HTR1E: variants seen among roughly 807,000 people sequenced by gnomAD.
HTR1E encodes the protein 5-HT-1E.
HTR1E carries 3 observed loss-of-function variants against 3.4 expected under a neutral mutation model. The ratio of observed to expected loss-of-function variants is 0.89; its 90% CI spans 0.41 to 2.31. HTR1E has a LOEUF of 2.31. HTR1E is among the 30% of genes most tolerant of loss of function. HTR1E has a pLI of 0.05. For synonymous variants in HTR1E, 170 were observed against 182.8 expected, an observed-to-expected ratio of 0.93 and a Z score of 0.56; for missense variants, 392 against 467.0, an observed-to-expected ratio of 0.84 and a Z score of 1.48.
chr6:86,941,219 G>A (rs558911646), intron 1 of HTR1E, among the ~76,000 whole-genome samples: 7 of 152,226 alleles, frequency 4.6e-5, no homozygotes, highest in Middle Eastern at 6.8e-3. Flanking sequence ...CTTTTTATTC[G>A]TTCCCACATT....
intron 1 of HTR1E, among the ~76,000 whole-genome samples, chr6:86,971,375 TA>T (rs1213919356): frequency 1.3e-5 from 2 of 152,206 alleles, no homozygotes; most frequent in African/African-American, 4.8e-5. Context: ...TTATGGATTA[TA>T]AAAACCATGA....
intron 1 of HTR1E, among the ~76,000 whole-genome samples, chr6:86,941,461 A>G (rs1048397581): frequency 6.6e-6 from 1 of 152,200 alleles, no homozygotes; most frequent in Non-Finnish European, 1.5e-5. Flanking sequence ...CCATTGTTGT[A>G]TTCCCCTAAA....
intron 1 of HTR1E, among the ~76,000 whole-genome samples, chr6:87,001,913 G>A (rs1768029676): frequency 6.6e-6 from 1 of 152,080 alleles, no homozygotes; most frequent in Non-Finnish European, 1.5e-5. Context: ...TGACAATAAA[G>A]GGATGGAAAA....
chr6:86,954,390 C>G (rs1255906603), intron 1 of HTR1E, among the ~76,000 whole-genome samples: 1 of 152,126 alleles, frequency 6.6e-6, no homozygotes, highest in African/African-American at 2.4e-5. Flanking sequence ...CCCCACAAAT[C>G]CCCAGTGTGC....
intron 1 of HTR1E, among the ~76,000 whole-genome samples, chr6:86,958,828 C>T (rs994985851): frequency 6.6e-6 from 1 of 152,088 alleles, no homozygotes; most frequent in South Asian, 2.1e-4. Flanking sequence ...ATCCTAGCAG[C>T]CCCAGACTCT....
intron 1 of HTR1E, among the ~76,000 whole-genome samples, chr6:86,971,733 G>A (rs1767560321): frequency 6.6e-6 from 1 of 152,104 alleles, no homozygotes; most frequent in African/African-American, 2.4e-5. Flanking sequence ...ATTCAGAGGG[G>A]ATGTGCAGGT....
At chr6:86,973,995 C>T (rs1047978935) in intron 1 of HTR1E, among the ~76,000 whole-genome samples, 2 of 152,232 alleles carry the variant, frequency 1.3e-5, no homozygotes, top group African/African-American at 4.8e-5. Context: ...TCCTTCACCT[C>T]TGGTTGACCA....
intron 1 of HTR1E, among the ~76,000 whole-genome samples, chr6:87,000,599 T>G (rs1768006977): frequency 1.3e-5 from 2 of 152,190 alleles, no homozygotes; most frequent in African/African-American, 4.8e-5. Flanking sequence ...GCATGACATA[T>G]GTAAAATGCT....
chr6:86,941,539 CT>C (rs1768546301), intron 1 of HTR1E, among the ~76,000 whole-genome samples: 1 of 152,202 alleles, frequency 6.6e-6, no homozygotes, highest in Non-Finnish European at 1.5e-5. Flanking sequence ...CTGATCAATT[CT>C]CAACACATGC....
intron 1 of HTR1E, among the ~76,000 whole-genome samples, chr6:87,002,649 G>A (rs1768042349): frequency 6.6e-6 from 1 of 151,886 alleles, no homozygotes; most frequent in African/African-American, 2.4e-5. Context: ...GACACAGAGT[G>A]CTGATCGGTG....
intron 1 of HTR1E, among the ~76,000 whole-genome samples, chr6:86,955,894 C>CT (rs1223389266): frequency 2.0e-5 from 3 of 151,968 alleles, no homozygotes; most frequent in African/African-American, 7.3e-5. Flanking sequence ...TAAGACCCCC[C>CT]CAACCAATTG....
intron 1 of HTR1E, among the ~76,000 whole-genome samples, chr6:86,998,755 G>T (rs577901736): frequency 1.5e-3 from 222 of 151,984 alleles, no homozygotes; most frequent in African/African-American, 5.0e-3. Context: ...GGTAATAATA[G>T]AAGAAATTAA....
At chr6:86,950,455 T>C (rs1231153214) in intron 1 of HTR1E, among the ~76,000 whole-genome samples, 3 of 152,134 alleles carry the variant, frequency 2.0e-5, no homozygotes, top group Non-Finnish European at 4.4e-5. Flanking sequence ...TTGGAGCAGT[T>C]AGGTTGGAAT....
chr6:87,010,532 C>G (rs1768209860), intron 1 of HTR1E, among the ~76,000 whole-genome samples: 2 of 143,888 alleles, frequency 1.4e-5, no homozygotes, highest in Admixed American at 1.4e-4. Flanking sequence ...AGAGGCGCTC[C>G]CCACATCTCA....
intron 1 of HTR1E, among the ~76,000 whole-genome samples, chr6:87,011,839 C>T (rs113270593): frequency 0.013 from 1,959 of 151,792 alleles, 26 homozygotes; most frequent in Non-Finnish European, 0.018. Flanking sequence ...GAAAAGAGAG[C>T]TTTTAATAGG....
At chr6:87,005,800 C>A (rs1455445353) in intron 1 of HTR1E, among the ~76,000 whole-genome samples, 1 of 152,076 alleles carries the variant, frequency 6.6e-6, no homozygotes, top group Non-Finnish European at 1.5e-5. Flanking sequence ...GAAGAGATAA[C>A]CCACAGAATG....
intron 1 of HTR1E, among the ~76,000 whole-genome samples, chr6:86,971,863 A>C (rs1039126900): frequency 8.5e-5 from 13 of 152,242 alleles, no homozygotes; most frequent in Non-Finnish European, 1.5e-5. Flanking sequence ...CTTTGTATCC[A>C]TGTATACCCA....
At chr6:86,960,547 G>A (rs552311869) in intron 1 of HTR1E, among the ~76,000 whole-genome samples, 1 of 152,162 alleles carries the variant, frequency 6.6e-6, no homozygotes, top group African/African-American at 2.4e-5. Flanking sequence ...CACAGCTCAG[G>A]TGAATGTTCT....
chr6:86,961,294 TACTGA>T (rs2127820365), intron 1 of HTR1E, among the ~76,000 whole-genome samples: 1 of 152,346 alleles, frequency 6.6e-6, no homozygotes, highest in Admixed American at 6.5e-5. Flanking sequence ...AATGCTTACC[TACTGA>T]ATGTGGATCC....
Sources: gnomAD v4.1 joint callset for allele counts (sites outside exome capture counted in the v4.1 genomes callset) on GRCh38, gnomAD v4.1.1 for gene constraint, MANE v1.5 for transcripts, NCBI Gene and HGNC (gene_info 2026-07-23, HGNC 2026-07-21) for gene names.